ARHGAP32: variants seen among roughly 807,000 people sequenced by gnomAD.
The protein encoded by ARHGAP32 is Rho GTPase activating protein 32, also known as rho GTPase-activating protein 32.
A neutral mutation model predicts 186.5 loss-of-function variants in ARHGAP32; 51 were observed. That is an observed-to-expected ratio of 0.27 (90% CI 0.22 to 0.35). The LOEUF (loss-of-function observed/expected upper bound fraction) is 0.35. ARHGAP32 is among the 10% of genes least tolerant of loss of function. The pLI, the probability that ARHGAP32 is intolerant of heterozygous loss-of-function variation, is 1.00. For missense variants in ARHGAP32, 2,186 were observed against 2,623.5 expected (o/e 0.83, Z 3.64); for synonymous variants, 950 against 964.3 (o/e 0.99, Z 0.27).
intron 5 of ARHGAP32, among the ~76,000 whole-genome samples, chr11:129,117,452 C>T (rs1251091129): frequency 6.6e-6 from 1 of 151,914 alleles, no homozygotes; most frequent in Non-Finnish European, 1.5e-5. Context: ...ATTATTACCC[C>T]TCAATATTCC....
intron 2 of ARHGAP32, among the ~76,000 whole-genome samples, chr11:129,129,430 G>A (rs1227000107): frequency 6.7e-6 from 1 of 148,180 alleles, no homozygotes; most frequent in East Asian, 2.1e-4. Context: ...GGCAGCCCCC[G>A]CCCAGCCACT....
intron 18 of ARHGAP32, among the ~76,000 whole-genome samples, chr11:128,979,708 T>C (rs1945654726): frequency 1.3e-5 from 2 of 152,180 alleles, no homozygotes; most frequent in Non-Finnish European, 2.9e-5. Flanking sequence ...TAGAGGAGTA[T>C]ACTAAAATAC....
At position 129,180,240 on chromosome 11, in the gene ARHGAP32, A is replaced by G. The variant is rs117663430; in HGVS notation, c.116+11843T>C. On this transcript the variant is annotated intron_variant, in intron 1 of 22. Coordinates refer to ENST00000682385, the MANE Select transcript of ARHGAP32 (RefSeq NM_001378024.1). ...AGATGAATCTCATAAATGTTGTGCA[A>G]CAGAAGTCAGACATTAGAGTACATG... 2.7e-3 allele frequency among the ~76,000 whole-genome samples: 409 copies of G among 152,320 alleles called. 2 individuals are homozygous for G. Among genetic ancestry groups the G allele is most frequent in the Non-Finnish European group, 5.0e-3 (341 of 68,000 alleles).
intron 6 of ARHGAP32, among the ~76,000 whole-genome samples, chr11:129,085,798 C>CG (rs1941369991): frequency 1.3e-5 from 2 of 151,962 alleles, no homozygotes; most frequent in African/African-American, 4.8e-5. Context: ...TTGACACCAT[C>CG]CTGGCTAACA....
At chr11:129,258,811 A>T (rs1484018829) in intron 1 of ARHGAP32, among the ~76,000 whole-genome samples, 2 of 150,114 alleles carry the variant, frequency 1.3e-5, no homozygotes, top group Admixed American at 6.6e-5. Flanking sequence ...AATTTTTGAT[A>T]AATCAGTATT....
chr11:129,051,103 A>G (rs1940024313), intron 10 of ARHGAP32, among the ~76,000 whole-genome samples: 1 of 152,176 alleles, frequency 6.6e-6, no homozygotes, highest in African/African-American at 2.4e-5. Context: ...CAATAAACAT[A>G]CATGTGCATG....
chr11:129,049,368 T>G (rs1939945284), intron 10 of ARHGAP32, among the ~76,000 whole-genome samples: 2 of 152,154 alleles, frequency 1.3e-5, no homozygotes, highest in Non-Finnish European at 2.9e-5. Context: ...CTCCTGCAGT[T>G]TTTGCTTCCA....
chr11:129,025,616 A>G lies in ARHGAP32; in HGVS notation c.1045+15312T>C, dbSNP rs547471237. Reference sequence around the variant, plus strand: ...CCTCCCAACCTCTTCCTTAGTACTAAAGACAGCAAGGGAGGGCAAGGGAAA... The same window carrying G: ...CCTCCCAACCTCTTCCTTAGTACTAGAGACAGCAAGGGAGGGCAAGGGAAA... On this transcript the variant is annotated intron_variant, in intron 11 of 22. Coordinates refer to ENST00000682385, the MANE Select transcript of ARHGAP32 (RefSeq NM_001378024.1). 9.2e-4 allele frequency among the ~76,000 whole-genome samples: 140 copies of G among 152,044 alleles called. 1 individual carries two copies. Among genetic ancestry groups the G allele is most frequent in the Non-Finnish European group, 1.9e-3 (129 of 67,958 alleles).
intron 6 of ARHGAP32, among the ~76,000 whole-genome samples, chr11:129,070,880 T>C (rs1301521832): frequency 6.6e-6 from 1 of 152,052 alleles, no homozygotes; most frequent in Non-Finnish European, 1.5e-5. Context: ...TTTATTGACT[T>C]AATGAAGCTA....
chr11:129,241,996 G>A (rs1255026933), intron 1 of ARHGAP32, among the ~76,000 whole-genome samples: 1 of 152,202 alleles, frequency 6.6e-6, no homozygotes, highest in African/African-American at 2.4e-5. Flanking sequence ...GAGTAGAAAT[G>A]GGAGGCAAGC....
At chr11:129,023,279 G>A (rs1460643864) in intron 11 of ARHGAP32, among the ~76,000 whole-genome samples, 2 of 152,152 alleles carry the variant, frequency 1.3e-5, no homozygotes, top group Non-Finnish European at 2.9e-5. Flanking sequence ...GGATGGAGAT[G>A]GTTATCCTTA....
chr11:129,237,144 C>T (rs1237730224), intron 1 of ARHGAP32, among the ~76,000 whole-genome samples: 1 of 152,174 alleles, frequency 6.6e-6, no homozygotes, highest in Non-Finnish European at 1.5e-5. Flanking sequence ...CTGTTGGACT[C>T]AGTTCACTAG....
chr11:129,181,206 G>A (rs779475730), intron 1 of ARHGAP32, among the ~76,000 whole-genome samples: 30 of 152,074 alleles, frequency 2.0e-4, no homozygotes, highest in Non-Finnish European at 2.8e-4. Context: ...AACAGTTGTC[G>A]CCAGTTACTA....
rs962054633 is a variant in ARHGAP32, at chr11:128,968,158, T to A, written c.*749A>T. Reference sequence around the variant, plus strand: ...CACCTAAAGAAGTTTCCTTAAGTACTAACTTTTAAAAGTCCATTCTGTCAT... The same window carrying A: ...CACCTAAAGAAGTTTCCTTAAGTACAAACTTTTAAAAGTCCATTCTGTCAT... On this transcript the variant is annotated 3_prime_UTR_variant, in exon 23 of 23. Coordinates refer to ENST00000682385, the MANE Select transcript of ARHGAP32 (RefSeq NM_001378024.1). 4.6e-5 allele frequency: 7 copies of A among 152,114 alleles called. No homozygotes were observed. The highest frequency in any genetic ancestry group is 1.4e-4 in the African/African-American group (6 of 41,414). 9.4% of individuals were successfully genotyped at this position (152,114 alleles called of 1,614,324 possible).
At chr11:129,192,569 C>A (rs1306506531), upstream of ARHGAP32, among the ~76,000 whole-genome samples, 1 of 152,144 alleles carries the variant, frequency 6.6e-6, no homozygotes, top group Non-Finnish European at 1.5e-5. Flanking sequence ...TTATTTGTAT[C>A]CTTTTTTGAT....
chr11:129,220,591 T>C (rs1212238725), intron 1 of ARHGAP32, among the ~76,000 whole-genome samples: 2 of 152,110 alleles, frequency 1.3e-5, no homozygotes, highest in Non-Finnish European at 2.9e-5. Flanking sequence ...ACACATACCC[T>C]CTGATTAGAA....
At chr11:129,228,102 G>A (rs376705669) in intron 1 of ARHGAP32, among the ~76,000 whole-genome samples, 21 of 152,148 alleles carry the variant, frequency 1.4e-4, no homozygotes, top group Non-Finnish European at 2.2e-4. Flanking sequence ...CAAGTAAGTG[G>A]AAATTAAACT....
At chr11:129,248,035 G>A (rs369805437) in intron 1 of ARHGAP32, among the ~76,000 whole-genome samples, 25 of 152,128 alleles carry the variant, frequency 1.6e-4, no homozygotes, top group African/African-American at 4.3e-4. Context: ...AGTGAGGGCC[G>A]GGCGTGGTGG....
In ARHGAP32 at chr11:129,213,703, G is replaced by A. The variant is rs191044987; in HGVS notation, c.-4-49276C>T. Among the ~76,000 whole-genome samples, 137 of 152,110 alleles carry A rather than the reference G, an allele frequency of 9.0e-4. 1 individual carries two copies. Among genetic ancestry groups the A allele is most frequent in the Admixed American group, 1.4e-3 (22 of 15,264 alleles). On this transcript the variant is annotated intron_variant, in intron 1 of 6. Coordinates refer to the ARHGAP32 transcript ENST00000525234. ...TTTGATGTAGATAACATTTTTAATA[G>A]TGCAACATTTTCATAATGCTACATA...
Sources: allele counts gnomAD v4.1 joint callset (sites outside exome capture counted in the v4.1 genomes callset), GRCh38; gene constraint gnomAD v4.1.1; transcripts MANE v1.5; gene names NCBI Gene and HGNC (gene_info 2026-07-23, HGNC 2026-07-21).